Variants in IKZF2 observed in about 807,000 individuals in gnomAD.
IKZF2 encodes zinc finger protein Helios.
A neutral mutation model predicts 49.2 loss-of-function variants in IKZF2; 15 were observed. That is an observed-to-expected ratio of 0.30 (90% CI 0.20 to 0.47). The LOEUF is 0.47. Among genes scored for constraint, IKZF2 ranks in the 20% least tolerant of loss-of-function variants. IKZF2 has a pLI of 1.00. For synonymous variants in IKZF2, 227 were observed against 221.4 expected (o/e 1.03, Z -0.23); for missense variants, 567 against 664.6 (o/e 0.85, Z 1.61).
At chr2:213,084,764 C>G (rs970600833) in intron 4 of IKZF2, among the ~76,000 whole-genome samples, 4 of 152,076 alleles carry the variant, frequency 2.6e-5, no homozygotes, top group African/African-American at 9.7e-5. Context: ...AACATTAAGC[C>G]TTGTTGAAGT....
At position 213,005,888 on chromosome 2, in the gene IKZF2, T is replaced by C. The variant is rs1238742656; in HGVS notation, c.*1472A>G. The stretch of plus-strand genomic sequence containing the variant: ...GTAAGGGGAATTCTATACTAAGGGA[T>C]TGAGATTCATTTCTGACAAGGACTT... On this transcript the variant is annotated 3_prime_UTR_variant, in exon 9 of 9. Coordinates refer to ENST00000434687, the MANE Select transcript of IKZF2 (RefSeq NM_001387220.1). 7 of 152,170 alleles carry C rather than the reference T, an allele frequency of 4.6e-5. No individual in the cohort carries two copies. Among genetic ancestry groups the C allele is most frequent in the Admixed American group, 2.0e-4 (3 of 15,264 alleles). 9.4% of individuals were successfully genotyped at this position (152,170 alleles called of 1,614,324 possible). A position where few individuals can be genotyped will look rare whatever the true frequency, so the allele number is the denominator to read the frequency against.
intron 4 of IKZF2, among the ~76,000 whole-genome samples, chr2:213,122,504 G>A (rs1371965378): frequency 6.6e-6 from 1 of 152,076 alleles, no homozygotes; most frequent in African/African-American, 2.4e-5. Flanking sequence ...AAGCAAGTTT[G>A]AGAAAAAGAC....
intron 4 of IKZF2, among the ~76,000 whole-genome samples, chr2:213,062,478 T>C (rs959024106): frequency 5.3e-5 from 8 of 151,890 alleles, no homozygotes; most frequent in African/African-American, 1.9e-4. Flanking sequence ...CCAAAGTGTA[T>C]ATTTTAATTT....
intron 8 of IKZF2, among the ~76,000 whole-genome samples, chr2:213,011,612 G>A (rs1297725818): frequency 6.6e-6 from 1 of 152,046 alleles, no homozygotes; most frequent in Non-Finnish European, 1.5e-5. Context: ...GATCACCAAG[G>A]AGTGAGACAG....
At chr2:213,026,138 C>T (rs1201425772) in intron 6 of IKZF2, among the ~76,000 whole-genome samples, 2 of 152,124 alleles carry the variant, frequency 1.3e-5, no homozygotes, top group African/African-American at 4.8e-5. Context: ...CATCCCACTC[C>T]TACCCCAGGC....
chr2:213,001,605 AC>A lies in IKZF2; in HGVS notation c.*5754del, dbSNP rs1694909652. On this transcript the variant is annotated 3_prime_UTR_variant, in exon 9 of 9. Coordinates refer to ENST00000434687, the MANE Select transcript of IKZF2 (RefSeq NM_001387220.1). ...AATACGTCAGCAGATTATACAACCA[AC>A]AAAAATCACGAAAAAAAAATTAAGA... 1 of 151,666 alleles carries A rather than the reference AC, an allele frequency of 6.6e-6. No individual in the cohort carries two copies. The highest frequency in any genetic ancestry group is 1.5e-5 in the Non-Finnish European group (1 of 67,544). 9.4% of individuals were successfully genotyped at this position (151,666 alleles called of 1,614,324 possible). A position where few individuals can be genotyped will look rare whatever the true frequency, so the allele number is the denominator to read the frequency against.
intron 4 of IKZF2, among the ~76,000 whole-genome samples, chr2:213,141,821 C>A (rs1029651196): frequency 6.6e-6 from 1 of 151,890 alleles, no homozygotes; most frequent in African/African-American, 2.4e-5. Flanking sequence ...CCTTACAATA[C>A]CTGGCACATA....
At chr2:213,034,958 A>C (rs1698857949) in intron 6 of IKZF2, among the ~76,000 whole-genome samples, 1 of 152,240 alleles carries the variant, frequency 6.6e-6, no homozygotes, top group African/African-American at 2.4e-5. Context: ...CTTATGAGTA[A>C]GCAAATAATT....
At chr2:213,136,370 C>CAAAAAAAAAAA (rs11325415) in intron 4 of IKZF2, among the ~76,000 whole-genome samples, 12 of 53,648 alleles carry the variant, frequency 2.2e-4, no homozygotes, top group African/African-American at 8.5e-4. Context: ...GACACTGTCT[C>CAAAAAAAAAAA]AAAAAAAAAA....
At chr2:213,022,910 T>G (rs74768391) in intron 6 of IKZF2, among the ~76,000 whole-genome samples, 66 of 152,174 alleles carry the variant, frequency 4.3e-4, no homozygotes, top group African/African-American at 1.5e-3. Context: ...TCTCAATACA[T>G]CTGTTAAAAT....
intron 4 of IKZF2, among the ~76,000 whole-genome samples, chr2:213,110,400 C>A (rs1228228767): frequency 1.3e-5 from 2 of 151,644 alleles, no homozygotes; most frequent in East Asian, 3.9e-4. Flanking sequence ...TATTAGTAAA[C>A]ATTTCTGGGG....
At chr2:213,132,812 G>A (rs1038231152) in intron 4 of IKZF2, among the ~76,000 whole-genome samples, 13 of 152,084 alleles carry the variant, frequency 8.5e-5, no homozygotes, top group African/African-American at 1.7e-4. Context: ...AATTATACCC[G>A]TCACAAACAG....
chr2:213,080,467 G>A (rs1406064060), intron 4 of IKZF2, among the ~76,000 whole-genome samples: 1 of 152,100 alleles, frequency 6.6e-6, no homozygotes, highest in Non-Finnish European at 1.5e-5. Flanking sequence ...GGGAGCAACA[G>A]TTATGAAACT....
intron 4 of IKZF2, among the ~76,000 whole-genome samples, chr2:213,125,239 C>T (rs1185589948): frequency 6.6e-6 from 1 of 152,136 alleles, no homozygotes; most frequent in African/African-American, 2.4e-5. Context: ...CTGCCATTAT[C>T]CTTTAATAAA....
intron 8 of IKZF2, among the ~76,000 whole-genome samples, chr2:213,010,437 G>A (rs1323599792): frequency 6.6e-6 from 1 of 152,040 alleles, no homozygotes; most frequent in Non-Finnish European, 1.5e-5. Context: ...AGGAAATGAG[G>A]AGCTTCTAGG....
chr2:213,050,839 A>T (rs369635968), intron 5 of IKZF2, among the ~76,000 whole-genome samples: 2 of 152,226 alleles, frequency 1.3e-5, no homozygotes, highest in South Asian at 2.1e-4. Flanking sequence ...CCATAAAGAA[A>T]ATGCTATTAT....
intron 4 of IKZF2, among the ~76,000 whole-genome samples, chr2:213,116,885 A>T (rs1175219749): frequency 6.6e-6 from 1 of 152,212 alleles, no homozygotes; most frequent in Non-Finnish European, 1.5e-5. Flanking sequence ...AATGTTTATT[A>T]AAAAACATAT....
intron 4 of IKZF2, among the ~76,000 whole-genome samples, chr2:213,144,835 G>T (rs188344312): frequency 1.1e-4 from 16 of 152,038 alleles, no homozygotes; most frequent in Admixed American, 1.0e-3. Context: ...ATTATAAAAT[G>T]TTAGGATCAC....
intron 7 of IKZF2, among the ~76,000 whole-genome samples, chr2:213,017,765 G>A (rs73087339): frequency 6.6e-6 from 1 of 152,234 alleles, no homozygotes; most frequent in African/African-American, 2.4e-5. Flanking sequence ...GCTGATTTAG[G>A]TATGTCCTCT....
Sources: gnomAD v4.1 joint callset for allele counts (sites outside exome capture counted in the v4.1 genomes callset) on GRCh38, gnomAD v4.1.1 for gene constraint, MANE v1.5 for transcripts, NCBI Gene and HGNC (gene_info 2026-07-23, HGNC 2026-07-21) for gene names.